AUH: variants seen among roughly 807,000 people sequenced by gnomAD.
The protein encoded by AUH is AU RNA binding methylglutaconyl-CoA hydratase.
Under a neutral mutation model 42.3 loss-of-function variants are expected in AUH, and 29 were observed. That is an observed-to-expected ratio of 0.69 (90% CI 0.51 to 0.93). The LOEUF (loss-of-function observed/expected upper bound fraction) is 0.93. Ranked by LOEUF, AUH falls within the 40% of genes least tolerant of loss-of-function variation. The pLI, the probability that AUH is intolerant of heterozygous loss-of-function variation, is 0.00. For synonymous variants in AUH, 174 were observed against 166.4 expected (o/e 1.05, Z -0.35); for missense variants, 452 against 438.1 (o/e 1.03, Z -0.28).
chr9:91,310,133 C>T lies in AUH; in HGVS notation c.506-12057G>A, dbSNP rs79132156. 1.0e-3 allele frequency among the ~76,000 whole-genome samples: 157 copies of T among 152,328 alleles called. 2 individuals are homozygous for T. Among genetic ancestry groups the T allele is most frequent in the East Asian group, 4.4e-3 (23 of 5,182 alleles). The stretch of plus-strand genomic sequence containing the variant: ...GACTCCTGAGCGAGACCTTCCATCC[C>T]AATCTAGCAAAGGATCAGTCCTAAT... On this transcript the variant is annotated intron_variant, in intron 4 of 9. Coordinates refer to ENST00000375731, the MANE Select transcript of AUH (RefSeq NM_001698.3).
intron 6 of AUH, among the ~76,000 whole-genome samples, chr9:91,229,541 T>A (rs1374767361): frequency 1.3e-5 from 2 of 150,576 alleles, no homozygotes; most frequent in Non-Finnish European, 3.0e-5. Flanking sequence ...ATTGGAGCAT[T>A]TAGTCCATTT....
In AUH at chr9:91,214,325, C is replaced by T. The variant is rs1826699000; in HGVS notation, c.*23G>A. 2 of 1,576,520 alleles carry T rather than the reference C, an allele frequency of 1.3e-6. No individual in the cohort carries two copies. Among genetic ancestry groups the T allele is most frequent in the Admixed American group, 3.4e-5 (2 of 59,044 alleles). On this transcript the variant is annotated 3_prime_UTR_variant, in exon 10 of 10. Coordinates refer to ENST00000375731, the MANE Select transcript of AUH (RefSeq NM_001698.3). ...CCAGGAAGTACATTTATTACATTGG[C>T]ATCTTAAGAATTTCTGTTCCTTTTA...
chr9:91,358,383 T>C (rs954332287), intron 1 of AUH, among the ~76,000 whole-genome samples: 1 of 152,176 alleles, frequency 6.6e-6, no homozygotes, highest in African/African-American at 2.4e-5. Context: ...TAAGGTGTGA[T>C]TGCTGGGGAT....
chr9:91,285,457 T>C (rs1313152028), intron 6 of AUH, among the ~76,000 whole-genome samples: 1 of 145,872 alleles, frequency 6.9e-6, no homozygotes, highest in Non-Finnish European at 1.5e-5. Context: ...CTTAAAGTAT[T>C]AAAAAAAAAA....
chr9:91,258,961 T>G (rs1047077860), intron 6 of AUH, among the ~76,000 whole-genome samples: 1 of 152,234 alleles, frequency 6.6e-6, no homozygotes. Context: ...CCTGTTTTCA[T>G]GAGGGATGCT....
intron 6 of AUH, among the ~76,000 whole-genome samples, chr9:91,293,058 T>C (rs769402827): frequency 7.2e-5 from 11 of 152,320 alleles, no homozygotes; most frequent in East Asian, 1.9e-4. Flanking sequence ...CACGCCCACA[T>C]AGGATGGCAA....
At chr9:91,319,080 G>A (rs549176762) in intron 4 of AUH, among the ~76,000 whole-genome samples, 1 of 152,102 alleles carries the variant, frequency 6.6e-6, no homozygotes, top group East Asian at 1.9e-4. Flanking sequence ...AATCTCTCCT[G>A]TATCTATAAT....
chr9:91,343,934 C>T (rs1831291827), intron 3 of AUH, among the ~76,000 whole-genome samples: 1 of 152,136 alleles, frequency 6.6e-6, no homozygotes, highest in Non-Finnish European at 1.5e-5. Flanking sequence ...ATTCTGAGTT[C>T]GCCAACTGAC....
At chr9:91,261,771 G>T (rs1330700769) in intron 6 of AUH, among the ~76,000 whole-genome samples, 1 of 152,194 alleles carries the variant, frequency 6.6e-6, no homozygotes, top group Admixed American at 6.5e-5. Context: ...CAGGATCACA[G>T]AACTGTGCTA....
intron 1 of AUH, among the ~76,000 whole-genome samples, chr9:91,360,965 C>G (rs1342910712): frequency 6.6e-6 from 1 of 152,184 alleles, no homozygotes; most frequent in Non-Finnish European, 1.5e-5. Context: ...GGATTGTCAG[C>G]CTCCTTCAAA....
intron 4 of AUH, 67 bp from the exon 5 acceptor site, chr9:91,298,143 A>C: frequency 2.3e-6 from 3 of 1,305,732 alleles, no homozygotes; most frequent in Non-Finnish European, 3.3e-6. Context: ...ATTCATTTTT[A>C]ATTTTTTTCT....
Position 91,213,925 on chromosome 9 carries a change from A to G in AUH, c.*423T>C, listed in dbSNP as rs1165008158. 6.0e-6 allele frequency: 1 copy of G among 165,880 alleles called. No individual in the cohort carries two copies. The highest frequency in any genetic ancestry group is 1.6e-4 in the East Asian group (1 of 6,372). 10.3% of individuals were successfully genotyped at this position (165,880 alleles called of 1,614,324 possible). On this transcript the variant is annotated 3_prime_UTR_variant, in exon 10 of 10. Coordinates refer to ENST00000375731, the MANE Select transcript of AUH (RefSeq NM_001698.3). ...GTATATGTAGCTGTTCGTATGCATT[A>G]ATCACTTAGAAACTTTATTTGGTAT...
intron 6 of AUH, among the ~76,000 whole-genome samples, chr9:91,286,750 ACCTAT>A (rs1428799843): frequency 6.6e-6 from 1 of 151,512 alleles, no homozygotes; most frequent in African/African-American, 2.4e-5. Context: ...CTATCTATCT[ACCTAT>A]CTACCTACCT....
intron 6 of AUH, among the ~76,000 whole-genome samples, chr9:91,277,513 A>G (rs1322176483): frequency 6.6e-6 from 1 of 152,190 alleles, no homozygotes; most frequent in Non-Finnish European, 1.5e-5. Context: ...AAAGGTATCT[A>G]AAACCTAACA....
intron 6 of AUH, among the ~76,000 whole-genome samples, chr9:91,227,381 G>A (rs1827570620): frequency 8.2e-6 from 1 of 121,980 alleles, no homozygotes; most frequent in Non-Finnish European, 1.8e-5. Context: ...AGGAATGCTT[G>A]TGATTTTTGC....
intron 6 of AUH, among the ~76,000 whole-genome samples, chr9:91,229,064 T>C (rs1181484143): frequency 4.0e-5 from 6 of 151,424 alleles, no homozygotes; most frequent in Admixed American, 2.0e-4. Context: ...TAGATGTCTA[T>C]TAGGTCCTCT....
At chr9:91,241,179 T>G (rs577564514) in intron 6 of AUH, among the ~76,000 whole-genome samples, 1 of 152,162 alleles carries the variant, frequency 6.6e-6, no homozygotes, top group Non-Finnish European at 1.5e-5. Context: ...CCCAGGTACA[T>G]GGAAACTGTC....
chr9:91,290,026 T>C (rs1247608716), intron 6 of AUH, among the ~76,000 whole-genome samples: 1 of 152,126 alleles, frequency 6.6e-6, no homozygotes, highest in Non-Finnish European at 1.5e-5. Flanking sequence ...TTCATTTACA[T>C]TAAAAAATTC....
At chr9:91,314,579 G>A (rs2131791172) in intron 4 of AUH, among the ~76,000 whole-genome samples, 1 of 149,666 alleles carries the variant, frequency 6.7e-6, no homozygotes, top group South Asian at 2.1e-4. Flanking sequence ...AAAATAATGA[G>A]AAATAAAAAA....
Sources: allele counts gnomAD v4.1 joint callset (sites outside exome capture counted in the v4.1 genomes callset), GRCh38; gene constraint gnomAD v4.1.1; transcripts MANE v1.5; gene names NCBI Gene and HGNC (gene_info 2026-07-23, HGNC 2026-07-21).